Variants in SCAPER observed in about 807,000 individuals in gnomAD.
The protein encoded by SCAPER is S-phase cyclin A associated protein in the ER.
In SCAPER, 98 loss-of-function variants were observed where a neutral mutation model predicts 182.2. The ratio of observed to expected loss-of-function variants is 0.54; its 90% CI spans 0.46 to 0.64. The LOEUF is 0.64. SCAPER is among the 30% of genes least tolerant of loss of function. SCAPER has a pLI of 0.00. For missense variants in SCAPER, 1,432 were observed against 1,690.0 expected (o/e 0.85, Z 2.68); for synonymous variants, 605 against 564.6 (o/e 1.07, Z -1.01).
intron 23 of SCAPER, among the ~76,000 whole-genome samples, chr15:76,527,250 G>A (rs893082807): frequency 1.3e-5 from 2 of 152,162 alleles, no homozygotes; most frequent in African/African-American, 4.8e-5. Flanking sequence ...TGAAAGTTAT[G>A]TCATGGCTTT....
intron 1 of SCAPER, among the ~76,000 whole-genome samples, chr15:76,887,287 T>C (rs1192412228): frequency 2.0e-5 from 3 of 152,152 alleles, no homozygotes; most frequent in African/African-American, 4.8e-5. Flanking sequence ...ACCTGCTTAA[T>C]CTCATTGGGA....
At chr15:76,458,265 T>TTG (rs150204943) in intron 25 of SCAPER, among the ~76,000 whole-genome samples, 17 of 151,258 alleles carry the variant, frequency 1.1e-4, no homozygotes, top group African/African-American at 2.7e-4. Context: ...ACATACTCCA[T>TTG]TGTGTGTGTG....
At chr15:76,375,371 C>T (rs1347151663) in intron 29 of SCAPER, among the ~76,000 whole-genome samples, 1 of 151,700 alleles carries the variant, frequency 6.6e-6, no homozygotes, top group African/African-American at 2.4e-5. Flanking sequence ...AGAGTCCTAC[C>T]CTCTCAGCCT....
rs1263994799 is a variant in SCAPER, at chr15:76,629,093, C to T, written c.2646-7264G>A. Among the ~76,000 whole-genome samples, 6 of 152,328 alleles carry T rather than the reference C, an allele frequency of 3.9e-5. No individual in the cohort carries two copies. In the East Asian group the frequency reaches 7.7e-4, roughly 20 times the overall value. Reference sequence around the variant, plus strand: ...TGCCTAATGTTGGTGTATAGGAACGCTTGTAACTTTTGCACATTGATTTTG... The same window carrying T: ...TGCCTAATGTTGGTGTATAGGAACGTTTGTAACTTTTGCACATTGATTTTG... On this transcript the variant is annotated intron_variant, in intron 21 of 31. Transcript: ENST00000563290.
chr15:76,850,789 G>A (rs1404271113), intron 4 of SCAPER, among the ~76,000 whole-genome samples: 1 of 150,738 alleles, frequency 6.6e-6, no homozygotes, highest in Admixed American at 6.6e-5. Flanking sequence ...GAACCCAGGA[G>A]GTGAAGGTTG....
At chr15:76,673,009 A>C (rs953862682) in intron 20 of SCAPER, among the ~76,000 whole-genome samples, 3 of 152,158 alleles carry the variant, frequency 2.0e-5, no homozygotes, top group African/African-American at 7.2e-5. Context: ...AAAAAACTGG[A>C]TTATCATCAG....
intron 23 of SCAPER, among the ~76,000 whole-genome samples, chr15:76,563,405 T>A (rs1205762776): frequency 1.3e-5 from 2 of 152,134 alleles, no homozygotes; most frequent in Non-Finnish European, 2.9e-5. Context: ...TCTATGCACA[T>A]AAACTAGAAA....
At chr15:76,649,653 G>T (rs2054852075) in intron 21 of SCAPER, among the ~76,000 whole-genome samples, 1 of 145,472 alleles carries the variant, frequency 6.9e-6, no homozygotes, top group Non-Finnish European at 1.5e-5. Flanking sequence ...CAGTAAAAAA[G>T]AAAAAAAGGA....
At chr15:76,807,265 G>A (rs1380555633) in intron 5 of SCAPER, among the ~76,000 whole-genome samples, 2 of 152,112 alleles carry the variant, frequency 1.3e-5, no homozygotes, top group African/African-American at 4.8e-5. Flanking sequence ...AAATGGTATT[G>A]GCTTTTGTCA....
At chr15:76,710,404 G>A (rs1260153192) in intron 17 of SCAPER, among the ~76,000 whole-genome samples, 1 of 152,016 alleles carries the variant, frequency 6.6e-6, no homozygotes, top group African/African-American at 2.4e-5. Flanking sequence ...ATAAGTTGAG[G>A]AACATCTGTA....
At chr15:76,612,034 A>G (rs1376645651) in intron 22 of SCAPER, among the ~76,000 whole-genome samples, 1 of 152,222 alleles carries the variant, frequency 6.6e-6, no homozygotes, top group East Asian at 1.9e-4. Context: ...AAGCCGGCAC[A>G]AGACAAGAAT....
chr15:76,846,577 T>C (rs1039692721), intron 4 of SCAPER, among the ~76,000 whole-genome samples: 3 of 152,074 alleles, frequency 2.0e-5, no homozygotes, highest in Non-Finnish European at 4.4e-5. Context: ...GACATACAAA[T>C]GGCAAACAGG....
intron 20 of SCAPER, among the ~76,000 whole-genome samples, chr15:76,688,205 CATCAT>C (rs1228156621): frequency 7.4e-6 from 1 of 135,694 alleles, no homozygotes; most frequent in African/African-American, 2.6e-5. Context: ...ATGAGCTTTT[CATCAT>C]ATGTTTGTTG....
intron 28 of SCAPER, among the ~76,000 whole-genome samples, chr15:76,378,116 G>C (rs1463034180): frequency 6.6e-6 from 1 of 152,210 alleles, no homozygotes; most frequent in Non-Finnish European, 1.5e-5. Flanking sequence ...CTCAAAGTCA[G>C]GTCATTCTGA....
intron 5 of SCAPER, among the ~76,000 whole-genome samples, chr15:76,827,141 T>C (rs1201209513): frequency 2.0e-5 from 3 of 152,158 alleles, no homozygotes; most frequent in Non-Finnish European, 2.9e-5. Flanking sequence ...CTTGAACAAA[T>C]GTCCACTTCC....
chr15:76,612,402 A>G (rs752184866), intron 22 of SCAPER, among the ~76,000 whole-genome samples: 1 of 152,026 alleles, frequency 6.6e-6, no homozygotes, highest in Non-Finnish European at 1.5e-5. Context: ...ATGTCTGGCT[A>G]ATTTTTTTGT....
At chr15:76,770,585 G>A (rs1471864612) in intron 10 of SCAPER, among the ~76,000 whole-genome samples, 1 of 151,872 alleles carries the variant, frequency 6.6e-6, no homozygotes, top group African/African-American at 2.4e-5. Flanking sequence ...ATAACCAAAA[G>A]GGTTTATGAC....
intron 21 of SCAPER, among the ~76,000 whole-genome samples, chr15:76,660,599 A>T (rs1326499035): frequency 6.6e-6 from 1 of 152,134 alleles, no homozygotes; most frequent in Non-Finnish European, 1.5e-5. Flanking sequence ...CCTCAATCTG[A>T]TAAAGGACAT....
intron 4 of SCAPER, among the ~76,000 whole-genome samples, chr15:76,856,484 A>G (rs183512572): frequency 6.6e-6 from 1 of 150,938 alleles, no homozygotes; most frequent in Admixed American, 6.6e-5. Flanking sequence ...ATATAAGTAT[A>G]TATTTTTATA....
Sources: allele counts gnomAD v4.1 joint callset (sites outside exome capture counted in the v4.1 genomes callset), GRCh38; gene constraint gnomAD v4.1.1; transcripts MANE v1.5; gene names NCBI Gene and HGNC (gene_info 2026-07-23, HGNC 2026-07-21).